The following USP38 variants were observed in gnomAD, a reference collection of about 807,000 sequenced individuals.
USP38 encodes ubiquitin specific peptidase 38, also known as ubiquitin carboxyl-terminal hydrolase 38.
A neutral mutation model predicts 94.3 loss-of-function variants in USP38; 49 were observed. The ratio of observed to expected loss-of-function variants is 0.52; its 90% CI spans 0.41 to 0.66. The LOEUF (loss-of-function observed/expected upper bound fraction) is 0.66. Ranked by LOEUF, USP38 falls within the 30% of genes least tolerant of loss-of-function variation. The pLI is 0.00. For synonymous variants in USP38, 468 were observed against 463.6 expected, an observed-to-expected ratio of 1.01 and a Z score of -0.12; for missense variants, 1,128 against 1,229.4, an observed-to-expected ratio of 0.92 and a Z score of 1.23.
chr4:143,189,948 T>C (rs909713858), intron 2 of USP38, among the ~76,000 whole-genome samples: 15 of 152,106 alleles, frequency 9.9e-5, no homozygotes, highest in Non-Finnish European at 2.1e-4. Context: ...TTCCCATTAT[T>C]ATCATCACTT....
Position 143,220,836 on chromosome 4 carries a change from TA to T in USP38, c.*389del, listed in dbSNP as rs571431879. The T allele has an allele frequency of 1.6e-4, 25 of 153,814 alleles. No individual in the cohort carries two copies. The highest frequency in any genetic ancestry group is 6.2e-4 in the South Asian group (3 of 4,832). The allele number at this position is 153,814 out of a possible 1,614,324, so 9.5% of individuals were successfully genotyped here. ...TTTATAAAAGAATTGATGCTAGAGG[TA>T]AAAAAAAATACTTGTTTTTAAAAAA... On this transcript the variant is annotated 3_prime_UTR_variant, in exon 10 of 10. Coordinates refer to ENST00000307017, the MANE Select transcript of USP38 (RefSeq NM_032557.6).
chr4:143,189,304 A>C (rs1462462626), intron 2 of USP38, among the ~76,000 whole-genome samples: 1 of 151,788 alleles, frequency 6.6e-6, no homozygotes, highest in Admixed American at 6.6e-5. Context: ...TTTTTTTCTA[A>C]TTGAGTTTTT....
At chr4:143,191,620 T>C (rs905066570) in intron 2 of USP38, among the ~76,000 whole-genome samples, 7 of 152,216 alleles carry the variant, frequency 4.6e-5, no homozygotes, top group Non-Finnish European at 1.0e-4. Flanking sequence ...TAAAGTTGCA[T>C]GTACTTTTCT....
intron 9 of USP38, among the ~76,000 whole-genome samples, chr4:143,218,786 A>G (rs1406565669): frequency 6.6e-6 from 1 of 152,124 alleles, no homozygotes; most frequent in Non-Finnish European, 1.5e-5. Flanking sequence ...TTAATTCGTT[A>G]CAGAACATTG....
At chr4:143,212,044 C>G (rs1420670388) in intron 7 of USP38, among the ~76,000 whole-genome samples, 1 of 152,078 alleles carries the variant, frequency 6.6e-6, no homozygotes, top group Non-Finnish European at 1.5e-5. Context: ...TACTTTAATG[C>G]CTTGTGCTAC....
Position 143,220,551 on chromosome 4 carries a change from A to G in USP38, c.*95A>G, listed in dbSNP as rs544599711. 29 of 1,255,200 alleles carry G rather than the reference A, an allele frequency of 2.3e-5. No individual in the cohort carries two copies. In the East Asian group the frequency reaches 6.7e-4, roughly 29 times the overall value. The allele number at this position is 1,255,200 out of a possible 1,614,324, so 77.8% of individuals were successfully genotyped here. ...AACAAATATCTATCTTTTATTTTTC[A>G]TTAGACCCTTATACTTCAAGAGAAC... On this transcript the variant is annotated 3_prime_UTR_variant, in exon 10 of 10. Coordinates refer to ENST00000307017, the MANE Select transcript of USP38 (RefSeq NM_032557.6).
At chr4:143,210,164 T>A (rs1461978261) in intron 7 of USP38, among the ~76,000 whole-genome samples, 1 of 152,212 alleles carries the variant, frequency 6.6e-6, no homozygotes, top group African/African-American at 2.4e-5. Flanking sequence ...TTCGTGGTGA[T>A]CTTTTATGTC....
intron 4 of USP38, among the ~76,000 whole-genome samples, chr4:143,199,215 T>G (rs1731639440): frequency 6.6e-6 from 1 of 152,192 alleles, no homozygotes; most frequent in Non-Finnish European, 1.5e-5. Context: ...TAGCTCCCGC[T>G]TATAAGTGAA....
At chr4:143,208,206 A>G (rs954544848) in intron 6 of USP38, among the ~76,000 whole-genome samples, 21 of 152,274 alleles carry the variant, frequency 1.4e-4, no homozygotes, top group African/African-American at 5.1e-4. Context: ...TGTGTATGCC[A>G]TCATTTATTT....
chr4:143,185,249 C>A lies in USP38; in HGVS notation c.-202C>A. ...CCGCAGGTGTCGGTTCTTAGGCTCT[C>A]CAGGCTCGCTAGCTCCCGCCCCGGC... is the stretch of plus-strand genomic sequence containing the variant. On this transcript the variant is annotated 5_prime_UTR_variant, in exon 1 of 10. Transcript: ENST00000307017. The A allele has an allele frequency of 1.6e-6, 1 of 625,416 alleles. No homozygotes were observed. Among genetic ancestry groups the A allele is most frequent in the South Asian group, 2.1e-5 (1 of 47,374 alleles). 38.7% of individuals were successfully genotyped at this position (625,416 alleles called of 1,614,324 possible).
chr4:143,192,199 T>C lies in USP38; in HGVS notation c.819-3517T>C, dbSNP rs77509004. On this transcript the variant is annotated intron_variant, in intron 2 of 9. Coordinates refer to ENST00000307017, the MANE Select transcript of USP38 (RefSeq NM_032557.6). Reference sequence around the variant, plus strand: ...ATATAATACACAAATATTTATTTCATGAATGCTTTCTTAGTCTGTTTGGGC... The same window carrying C: ...ATATAATACACAAATATTTATTTCACGAATGCTTTCTTAGTCTGTTTGGGC... Among the ~76,000 whole-genome samples the C allele has an allele frequency of 3.4e-3, 516 of 152,328 alleles. 3 individuals are homozygous for C. Among genetic ancestry groups the C allele is most frequent in the African/African-American group, 0.012 (489 of 41,576 alleles).
rs773690993 is a variant in USP38, at chr4:143,220,300, A to G, written c.2973A>G (p.Gln991=). The G allele has an allele frequency of 6.2e-7, 1 of 1,606,950 alleles. No individual in the cohort carries two copies. The highest frequency in any genetic ancestry group is 8.5e-7 in the Non-Finnish European group (1 of 1,177,356). ...AAAGTTATTTTTAATTTTAGGAACA[A>G]GAGTTGAATGCTCGAGCCCGGGCCC... ...TKDNKLYLQE[Q]ELNARARALQ... The change falls in exon 10 of 10, where the codon CAA becomes CAG. Residue 991 remains glutamine, a synonymous_variant. Coordinates refer to ENST00000307017, the MANE Select transcript of USP38 (RefSeq NM_032557.6).
At chr4:143,216,358 C>G (rs1732181256) in intron 9 of USP38, among the ~76,000 whole-genome samples, 1 of 151,912 alleles carries the variant, frequency 6.6e-6, no homozygotes. Flanking sequence ...TTGTTTGATG[C>G]AAGAAAAGAT....
At chr4:143,192,641 C>A (rs1168969844) in intron 2 of USP38, among the ~76,000 whole-genome samples, 1 of 141,606 alleles carries the variant, frequency 7.1e-6, no homozygotes, top group African/African-American at 2.6e-5. Flanking sequence ...TTCTGTGTGT[C>A]CTCACTTGGC....
chr4:143,203,397 TTTC>T lies in USP38; in HGVS notation c.1051-8_1051-6del, dbSNP rs1444583241. The T allele has an allele frequency of 6.2e-7, 1 of 1,604,088 alleles. No homozygotes were observed. Among genetic ancestry groups the T allele is most frequent in the East Asian group, 2.2e-5 (1 of 44,544 alleles). ...ATAAATTCAGCATTGTTTATCCTTTTTTCTTTTCAGATTGTTCCTCATGTGGTT... is the reference window on the plus strand; with the variant it reads ...ATAAATTCAGCATTGTTTATCCTTTTTTTTCAGATTGTTCCTCATGTGGTT... On this transcript the variant is annotated splice_polypyrimidine_tract_variant and splice_region_variant and intron_variant, in intron 4 of 9. Transcript: ENST00000307017.
chr4:143,192,696 A>G (rs935195820), intron 2 of USP38, among the ~76,000 whole-genome samples: 3 of 152,006 alleles, frequency 2.0e-5, no homozygotes, highest in South Asian at 4.1e-4. Flanking sequence ...CCCACTCACT[A>G]GTCACCTGAC....
At position 143,223,439 on chromosome 4, in the gene USP38, CAA is replaced by C. The variant is rs1208474731; in HGVS notation, c.*2987_*2988del. On this transcript the variant is annotated 3_prime_UTR_variant, in exon 10 of 10. Transcript: ENST00000307017. The stretch of plus-strand genomic sequence containing the variant: ...TACATTAATGCACATGTGGAAAGAA[CAA>C]AAATTTTCAAGCTAAGTCTTAAGTT... 6.6e-6 allele frequency: 1 copy of C among 152,066 alleles called. No individual in the cohort carries two copies. Among genetic ancestry groups the C allele is most frequent in the Non-Finnish European group, 1.5e-5 (1 of 67,974 alleles). The allele number at this position is 152,066 out of a possible 1,614,324, so 9.4% of individuals were successfully genotyped here.
chr4:143,219,107 T>G lies in USP38; in HGVS notation c.2968-1188T>G, dbSNP rs139788856. Among the ~76,000 whole-genome samples the G allele has an allele frequency of 7.9e-5, 12 of 152,262 alleles. No homozygotes were observed. In the East Asian group the frequency reaches 2.3e-3, roughly 29 times the overall value. On this transcript the variant is annotated intron_variant, in intron 9 of 9. Transcript: ENST00000307017. ...TGACACTGTAGATCACAAAAATGTT[T>G]TTAAGAAATATCCTGCAAATTAAGT...
intron 6 of USP38, among the ~76,000 whole-genome samples, chr4:143,208,460 C>T (rs1731931926): frequency 1.3e-5 from 2 of 152,048 alleles, no homozygotes; most frequent in African/African-American, 4.8e-5. Context: ...AACTCTGATA[C>T]CAATATAAGA....
Sources: allele counts gnomAD v4.1 joint callset (sites outside exome capture counted in the v4.1 genomes callset), GRCh38; gene constraint gnomAD v4.1.1; transcripts MANE v1.5; gene names NCBI Gene and HGNC (gene_info 2026-07-23, HGNC 2026-07-21).